Variants in PCDHGA3 observed in about 807,000 individuals in gnomAD.
PCDHGA3 encodes the protein protocadherin gamma subfamily A, 3, also known as protocadherin gamma-A3.
Under a neutral mutation model 58.5 loss-of-function variants are expected in PCDHGA3, and 40 were observed. The observed-to-expected ratio is 0.68, with a 90% CI of 0.53 to 0.89. The LOEUF (loss-of-function observed/expected upper bound fraction) is 0.89. Ranked by LOEUF, PCDHGA3 falls within the 40% of genes least tolerant of loss-of-function variation. PCDHGA3 has a pLI of 0.00. For missense variants in PCDHGA3, 1,223 were observed against 1,195.9 expected (o/e 1.02, Z -0.33); for synonymous variants, 530 against 525.7 (o/e 1.01, Z -0.11).
Position 141,483,648 on chromosome 5 carries a change from T to TTGTG in PCDHGA3, c.2425-11141_2425-11138dup, listed in dbSNP as rs111458813. ...GGAGAAGGTATAGAGGGGTGTGTGTTTGTGTGTGTGTGTGTGTGTGTAAAA... is the reference window on the plus strand; with the variant it reads ...GGAGAAGGTATAGAGGGGTGTGTGTTTGTGTGTGTGTGTGTGTGTGTGTGTAAAA... On this transcript the variant is annotated intron_variant, in intron 1 of 3. Coordinates refer to ENST00000253812, the MANE Select transcript of PCDHGA3 (RefSeq NM_018916.4). Among the ~76,000 whole-genome samples, 501 of 149,686 alleles carry TTGTG rather than the reference T, an allele frequency of 3.3e-3. 2 individuals are homozygous for TTGTG. Among genetic ancestry groups the TTGTG allele is most frequent in the African/African-American group, 7.3e-3 (297 of 40,842 alleles).
chr5:141,381,932 C>T lies in PCDHGA3; in HGVS notation c.2424+35475C>T, dbSNP rs1205042648. Among the ~76,000 whole-genome samples the T allele has an allele frequency of 2.1e-5, 3 of 144,772 alleles. No homozygotes were observed. The Admixed American group carries it at 2.2e-4, about 11-fold the overall frequency. The allele number at this position is 144,772 out of a possible 152,430, so 95.0% of individuals were successfully genotyped here. A position where few individuals can be genotyped will look rare whatever the true frequency, so the allele number is the denominator to read the frequency against. ...ACAACCTCCACCTCCCGGGTTCAAG[C>T]GATTTTCCTGCCTCAGCCTCCTGAG... is the stretch of plus-strand genomic sequence containing the variant. On this transcript the variant is annotated intron_variant, in intron 1 of 3. Transcript: ENST00000253812.
chr5:141,494,936 G>C, intron 2 of PCDHGA3, 71 bp downstream of exon 2: 1 of 1,612,574 alleles, frequency 6.2e-7, no homozygotes, highest in South Asian at 1.1e-5. Flanking sequence ...GGAGGAGATG[G>C]GGGAGGGCCC....
At chr5:141,399,196 G>A (rs201540226) in intron 1 of PCDHGA3, 2 of 1,613,938 alleles carry the variant, frequency 1.2e-6, no homozygotes, top group Non-Finnish European at 1.7e-6. Flanking sequence ...GGAAAACGCG[G>A]TGCCTGGAAC....
chr5:141,389,737 G>A, intron 1 of PCDHGA3: 2 of 1,612,718 alleles, frequency 1.2e-6, no homozygotes, highest in Non-Finnish European at 1.7e-6. Flanking sequence ...TTCAGCCTGG[G>A]GCTGCGCACG....
intron 1 of PCDHGA3, chr5:141,350,854 C>T: frequency 6.2e-7 from 1 of 1,614,084 alleles, no homozygotes; most frequent in Non-Finnish European, 8.5e-7. Flanking sequence ...AACCTCTAGA[C>T]AGGGAACATC....
rs1757523003 is a variant in PCDHGA3, at chr5:141,345,126, G to T, written c.1093G>T (p.Glu365Ter). The change falls in exon 1 of 4, where the codon GAA (glutamate) becomes TAA (stop). Residue 365 changes from glutamate (E) to a stop codon, truncating the protein, a stop_gained. Transcript: ENST00000253812. LOFTEE classifies it high-confidence loss of function. ...SVPEEGTVGR[E>*]IALIDVHDRD... is the part of the protein sequence containing the mutation. The stretch of plus-strand genomic sequence containing the variant: ...CCCAGAAGAGGGCACCGTTGGAAGA[G>T]AAATTGCTCTTATCGACGTGCATGA... 1 of 1,614,002 alleles carries T rather than the reference G, an allele frequency of 6.2e-7. No individual in the cohort carries two copies. Among genetic ancestry groups the T allele is most frequent in the South Asian group, 1.1e-5 (1 of 91,086 alleles).
chr5:141,494,759 C>A (rs776923097), intron 1 of PCDHGA3, 48 bp from the exon 2 acceptor site: 3 of 1,613,886 alleles, frequency 1.9e-6, no homozygotes, highest in Non-Finnish European at 2.5e-6. Context: ...GGGTGACATT[C>A]TAACTTCTCA....
intron 1 of PCDHGA3, chr5:141,382,723 T>TA: frequency 1.9e-6 from 1 of 523,900 alleles, no homozygotes; most frequent in Non-Finnish European, 3.2e-6. Flanking sequence ...CACCGAGTTT[T>TA]ACAGCACAGA....
At chr5:141,371,274 C>G in intron 1 of PCDHGA3, 1 of 1,613,982 alleles carries the variant, frequency 6.2e-7, no homozygotes, top group South Asian at 1.1e-5. Context: ...ACTGTTCAAG[C>G]TGGACAGTAA....
intron 1 of PCDHGA3, chr5:141,383,490 G>A: frequency 6.2e-7 from 1 of 1,613,286 alleles, no homozygotes; most frequent in South Asian, 1.1e-5. Flanking sequence ...TGGTGCTGGA[G>A]CGGGTGCTGG....
chr5:141,428,358 G>T, intron 1 of PCDHGA3: 1 of 565,492 alleles, frequency 1.8e-6, no homozygotes, highest in Non-Finnish European at 3.2e-6. Flanking sequence ...TGATTTTGGC[G>T]GTCGCCTTGC....
intron 1 of PCDHGA3, among the ~76,000 whole-genome samples, chr5:141,474,684 T>A (rs1302389621): frequency 6.6e-6 from 1 of 152,246 alleles, no homozygotes; most frequent in Non-Finnish European, 1.5e-5. Context: ...TGCCTACCCC[T>A]TCACTTATGT....
intron 2 of PCDHGA3, among the ~76,000 whole-genome samples, chr5:141,502,866 C>CTTTTT (rs549047197): frequency 1.6e-5 from 2 of 128,044 alleles, no homozygotes; most frequent in Non-Finnish European, 1.6e-5. Flanking sequence ...GACTCTCTGT[C>CTTTTT]TTTTTTTTTT....
chr5:141,361,660 G>C (rs768286784), intron 1 of PCDHGA3: 22 of 1,613,628 alleles, frequency 1.4e-5, no homozygotes, highest in South Asian at 3.3e-5. Flanking sequence ...GTCCGTGAGC[G>C]CGCAGAGCGG....
At chr5:141,388,887 G>C in intron 1 of PCDHGA3, 1 of 1,613,988 alleles carries the variant, frequency 6.2e-7, no homozygotes, top group Non-Finnish European at 8.5e-7. Context: ...GGAGGTAGAA[G>C]TCATAGATGA....
At chr5:141,363,012 T>G (rs1296290865) in intron 1 of PCDHGA3, among the ~76,000 whole-genome samples, 1 of 152,230 alleles carries the variant, frequency 6.6e-6, no homozygotes, top group African/African-American at 2.4e-5. Context: ...TCACAGGGCA[T>G]GGGTAGGACA....
At position 141,477,210 on chromosome 5, in the gene PCDHGA3, C is replaced by A. The variant is rs780852225; in HGVS notation, c.2425-17597C>A. On this transcript the variant is annotated intron_variant, in intron 1 of 3. Transcript: ENST00000253812. This position sits in a 1 kb window ranked among gnomAD's most constrained non-coding sequence, Gnocchi z 4.9. ...GTGTACAGCCCAGTACCCGAGGATG[C>A]CCCTCTGGGGACTGTCATCGCTTTG... The A allele has an allele frequency of 6.2e-7, 1 of 1,614,142 alleles. No homozygotes were observed. The highest frequency in any genetic ancestry group is 8.5e-7 in the Non-Finnish European group (1 of 1,180,030).
intron 1 of PCDHGA3, among the ~76,000 whole-genome samples, chr5:141,438,263 A>G (rs2097944986): frequency 6.6e-6 from 1 of 152,144 alleles, no homozygotes; most frequent in South Asian, 2.1e-4. Flanking sequence ...AAGAGACCAT[A>G]GAATCAAACA....
At chr5:141,352,680 G>A in intron 1 of PCDHGA3, 1 of 1,568,674 alleles carries the variant, frequency 6.4e-7, no homozygotes, top group Non-Finnish European at 8.7e-7. Context: ...GTGAGTTTCT[G>A]CAAATCTAGT....
Sources: gnomAD v4.1 joint callset for allele counts (sites outside exome capture counted in the v4.1 genomes callset) on GRCh38, gnomAD v4.1.1 for gene constraint, Gnocchi (gnomAD v3.1) non-coding constraint, MANE v1.5 for transcripts, NCBI Gene and HGNC (gene_info 2026-07-23, HGNC 2026-07-21) for gene names.